Variants in ADAMTS19 observed in about 807,000 individuals in gnomAD.
ADAMTS19 encodes A disintegrin and metalloproteinase with thrombospondin motifs 19.
ADAMTS19 carries 93 observed loss-of-function variants against 153.3 expected under a neutral mutation model. That is an observed-to-expected ratio of 0.61 (90% confidence interval 0.51 to 0.72). The LOEUF (loss-of-function observed/expected upper bound fraction) is 0.72, where lower values mean the gene tolerates loss of function less well. Among genes scored for constraint, ADAMTS19 ranks in the 30% least tolerant of loss-of-function variants. ADAMTS19 has a pLI of 0.00. For missense variants in ADAMTS19, 1,482 were observed against 1,552.1 expected, an observed-to-expected ratio of 0.95 and a Z score of 0.76; for synonymous variants, 600 against 556.6, an observed-to-expected ratio of 1.08 and a Z score of -1.10.
At chr5:129,686,689 T>TGGCA (rs774508256) in intron 18 of ADAMTS19, among the ~76,000 whole-genome samples, 3 of 152,088 alleles carry the variant, frequency 2.0e-5, no homozygotes, top group Non-Finnish European at 2.9e-5. Flanking sequence ...GAGCATCCTT[T>TGGCA]GGCAGAGGGC....
intron 6 of ADAMTS19, among the ~76,000 whole-genome samples, chr5:129,551,452 G>A (rs992233926): frequency 6.6e-6 from 1 of 151,576 alleles, no homozygotes; most frequent in Non-Finnish European, 1.5e-5. Context: ...GTTGTTTTAA[G>A]TTGTATTTCT....
chr5:129,538,152 A>T (rs1216509546), intron 6 of ADAMTS19, among the ~76,000 whole-genome samples: 1 of 152,086 alleles, frequency 6.6e-6, no homozygotes, highest in Non-Finnish European at 1.5e-5. Flanking sequence ...TTGATTACTG[A>T]TTTATAATTT....
intron 14 of ADAMTS19, among the ~76,000 whole-genome samples, chr5:129,658,345 GAAAGAAAGAAAGA>G (rs1753663164): frequency 1.5e-4 from 23 of 149,028 alleles, no homozygotes; most frequent in South Asian, 1.3e-3. Flanking sequence ...AAGAAAGAAA[GAAAGAAAGAAAGA>G]AAGAAAGAAA....
intron 8 of ADAMTS19, among the ~76,000 whole-genome samples, chr5:129,600,210 C>T (rs771213469): frequency 9.9e-5 from 15 of 152,130 alleles, no homozygotes; most frequent in Admixed American, 2.0e-4. Context: ...TGCATGCACC[C>T]GTACACACAC....
intron 21 of ADAMTS19, among the ~76,000 whole-genome samples, chr5:129,711,618 G>A (rs921410966): frequency 6.6e-6 from 1 of 152,040 alleles, no homozygotes; most frequent in African/African-American, 2.4e-5. Context: ...AGAGGTTGCA[G>A]TGAGTGGAGA....
At chr5:129,714,791 T>A (rs1756647575) in intron 21 of ADAMTS19, among the ~76,000 whole-genome samples, 1 of 152,216 alleles carries the variant, frequency 6.6e-6, no homozygotes, top group South Asian at 2.1e-4. Flanking sequence ...ATGAACATTT[T>A]AAAAAATGTT....
intron 2 of ADAMTS19, among the ~76,000 whole-genome samples, chr5:129,505,232 G>T (rs549340473): frequency 1.3e-5 from 2 of 152,070 alleles, no homozygotes; most frequent in African/African-American, 4.8e-5. Context: ...CAATAAATGA[G>T]CATGGAAGAA....
In ADAMTS19 at chr5:129,596,542, ATGTT is replaced by A; in HGVS notation, c.1373-13_1373-10del. 6.8e-7 allele frequency: 1 copy of A among 1,468,342 alleles called. No homozygotes were observed. The highest frequency in any genetic ancestry group is 9.4e-7 in the Non-Finnish European group (1 of 1,064,784). The allele number at this position is 1,468,342 out of a possible 1,614,324, so 91.0% of individuals were successfully genotyped here. A position where few individuals can be genotyped will look rare whatever the true frequency, so the allele number is the denominator to read the frequency against. ...TATTCATTCAGACATATAATAATTA[ATGTT>A]TGTATTTTTTAGGTATAGCTTACTT... is the stretch of plus-strand genomic sequence containing the variant. On this transcript the variant is annotated splice_polypyrimidine_tract_variant and intron_variant, in intron 7 of 22. Coordinates refer to ENST00000274487, the MANE Select transcript of ADAMTS19 (RefSeq NM_133638.6).
chr5:129,622,617 G>A (rs531345506), intron 10 of ADAMTS19, among the ~76,000 whole-genome samples: 49 of 152,120 alleles, frequency 3.2e-4, no homozygotes, highest in African/African-American at 8.7e-4. Flanking sequence ...TTTTTATTAC[G>A]TCAGTTCAAT....
intron 7 of ADAMTS19, among the ~76,000 whole-genome samples, chr5:129,561,074 A>G (rs1023417772): frequency 6.6e-6 from 1 of 152,234 alleles, no homozygotes; most frequent in African/African-American, 2.4e-5. Flanking sequence ...TTTAAAATTA[A>G]TAAAACATCA....
intron 7 of ADAMTS19, among the ~76,000 whole-genome samples, chr5:129,554,866 C>T (rs981560092): frequency 6.6e-6 from 1 of 152,056 alleles, no homozygotes; most frequent in African/African-American, 2.4e-5. Context: ...TGCTCTGTGA[C>T]TTGTTAAAAA....
At chr5:129,471,523 GAATA>G (rs987754416) in intron 2 of ADAMTS19, among the ~76,000 whole-genome samples, 5 of 151,698 alleles carry the variant, frequency 3.3e-5, no homozygotes, top group African/African-American at 9.7e-5. Flanking sequence ...CTAAATAAAT[GAATA>G]AATAAATAAA....
chr5:129,595,639 T>A lies in ADAMTS19; in HGVS notation c.1373-920T>A, dbSNP rs147083596. Among the ~76,000 whole-genome samples the A allele has an allele frequency of 4.9e-3, 747 of 152,168 alleles. 6 individuals are homozygous for A. Among genetic ancestry groups the A allele is most frequent in the African/African-American group, 0.017 (694 of 41,556 alleles). On this transcript the variant is annotated intron_variant, in intron 7 of 22. Coordinates refer to ENST00000274487, the MANE Select transcript of ADAMTS19 (RefSeq NM_133638.6). ...TCCATCATGTTTAGTAATTATGTGATCTTTGGTAAATCAGAACCTCCTACG... is the reference window on the plus strand; with the variant it reads ...TCCATCATGTTTAGTAATTATGTGAACTTTGGTAAATCAGAACCTCCTACG...
At chr5:129,579,840 C>G (rs1480175573) in intron 7 of ADAMTS19, among the ~76,000 whole-genome samples, 1 of 152,058 alleles carries the variant, frequency 6.6e-6, no homozygotes, top group Non-Finnish European at 1.5e-5. Context: ...TTACTATAGC[C>G]TTCTAGTATA....
intron 13 of ADAMTS19, among the ~76,000 whole-genome samples, chr5:129,650,002 A>G (rs1753244054): frequency 6.6e-6 from 1 of 152,018 alleles, no homozygotes; most frequent in Non-Finnish European, 1.5e-5. Flanking sequence ...AGATGGCAAA[A>G]CCCTGTCTCT....
intron 7 of ADAMTS19, among the ~76,000 whole-genome samples, chr5:129,553,977 T>C (rs900609608): frequency 2.0e-5 from 3 of 152,028 alleles, no homozygotes; most frequent in Admixed American, 1.3e-4. Flanking sequence ...GAAGTAAAAA[T>C]GCAGCGATAA....
intron 6 of ADAMTS19, among the ~76,000 whole-genome samples, chr5:129,533,370 T>C (rs920394916): frequency 6.6e-6 from 1 of 152,210 alleles, no homozygotes; most frequent in African/African-American, 2.4e-5. Context: ...TTTATGTAAG[T>C]TTTACCATAA....
chr5:129,644,991 A>G (rs1420909847), intron 11 of ADAMTS19, among the ~76,000 whole-genome samples: 1 of 152,124 alleles, frequency 6.6e-6, no homozygotes, highest in East Asian at 1.9e-4. Context: ...TCCACAATAT[A>G]TGTACAAGAT....
chr5:129,730,551 T>C (rs116264528), intron 21 of ADAMTS19, among the ~76,000 whole-genome samples: 2,389 of 152,160 alleles, frequency 0.016, 59 homozygotes, highest in African/African-American at 0.053. Flanking sequence ...ACCATGCAAA[T>C]AGTAATACAT....
Sources: allele counts gnomAD v4.1 joint callset (sites outside exome capture counted in the v4.1 genomes callset), GRCh38; gene constraint gnomAD v4.1.1; transcripts MANE v1.5; gene names NCBI Gene and HGNC (gene_info 2026-07-23, HGNC 2026-07-21).